The following ABCC1 variants were observed in gnomAD, a reference collection of about 807,000 sequenced individuals.
The protein encoded by ABCC1 is multidrug resistance-associated protein 1.
Under a neutral mutation model 172.9 loss-of-function variants are expected in ABCC1, and 83 were observed. The observed-to-expected ratio is 0.48, with a 90% CI of 0.40 to 0.58. The LOEUF (loss-of-function observed/expected upper bound fraction) is 0.58. Among genes scored for constraint, ABCC1 ranks in the 20% least tolerant of loss-of-function variants. ABCC1 has a pLI of 0.00. For synonymous variants in ABCC1, 937 were observed against 825.2 expected (o/e 1.14, Z -2.32); for missense variants, 1,817 against 2,002.7 (o/e 0.91, Z 1.77).
intron 1 of ABCC1, among the ~76,000 whole-genome samples, chr16:16,002,771 C>CAA (rs34530270): frequency 0.47 from 61,209 of 128,882 alleles, 13,812 homozygotes; most frequent in Non-Finnish European, 0.52. Context: ...GACCTTGTCT[C>CAA]AAAAAAAAAA....
chr16:16,112,645 A>G (rs1303359921), intron 22 of ABCC1, among the ~76,000 whole-genome samples: 1 of 152,242 alleles, frequency 6.6e-6, no homozygotes, highest in African/African-American at 2.4e-5. Flanking sequence ...ACATGGCAGC[A>G]TTGGCATTGA....
intron 5 of ABCC1, among the ~76,000 whole-genome samples, chr16:16,019,663 C>T (rs988842778): frequency 6.6e-6 from 1 of 152,136 alleles, no homozygotes; most frequent in Non-Finnish European, 1.5e-5. Flanking sequence ...TTCACTTCTC[C>T]CCTGGGCGTG....
chr16:16,071,958 C>G (rs2151960596), intron 14 of ABCC1, among the ~76,000 whole-genome samples: 1 of 152,262 alleles, frequency 6.6e-6, no homozygotes, highest in Middle Eastern at 3.4e-3. Context: ...GGTGAACTTG[C>G]ACTTGCATTT....
At chr16:15,997,747 G>A (rs1260267737) in intron 1 of ABCC1, among the ~76,000 whole-genome samples, 2 of 148,178 alleles carry the variant, frequency 1.3e-5, no homozygotes, top group Non-Finnish European at 3.0e-5. Flanking sequence ...AGTTGTTAAA[G>A]TAAAGAAGGA....
intron 1 of ABCC1, among the ~76,000 whole-genome samples, chr16:15,990,569 A>G (rs1305569076): frequency 6.6e-6 from 1 of 151,986 alleles, no homozygotes; most frequent in African/African-American, 2.4e-5. Context: ...GAGATCTTGC[A>G]GTGTTCGTCT....
In ABCC1 at chr16:16,091,179, A is replaced by G. The variant is rs1331578127; in HGVS notation, c.2644+591A>G. Among the ~76,000 whole-genome samples the G allele has an allele frequency of 2.0e-5, 3 of 152,074 alleles. No individual in the cohort carries two copies. The East Asian group carries it at 5.8e-4, about 30-fold the overall frequency. ...GGTGGTTCCCAGCACTTGTAATCCC[A>G]ACACATAGAGAGGCTGAGGTGGGAG... On this transcript the variant is annotated intron_variant, in intron 19 of 30. Coordinates refer to ENST00000399410, the MANE Select transcript of ABCC1 (RefSeq NM_004996.4).
chr16:16,013,595 C>T (rs1468628318), intron 3 of ABCC1, among the ~76,000 whole-genome samples: 1 of 151,682 alleles, frequency 6.6e-6, no homozygotes, highest in African/African-American at 2.4e-5. Flanking sequence ...CTGTATCAAG[C>T]GTTGGAGACA....
chr16:16,058,843 ATGG>A (rs2049786316), intron 12 of ABCC1, among the ~76,000 whole-genome samples: 2 of 151,532 alleles, frequency 1.3e-5, no homozygotes. Flanking sequence ...TAGTGTAGAG[ATGG>A]TGTTTCACCA....
At chr16:16,136,678 G>C (rs992845839) in intron 29 of ABCC1, 34 bp downstream of exon 29, 1 of 1,610,258 alleles carries the variant, frequency 6.2e-7, no homozygotes, top group African/African-American at 1.3e-5. Context: ...CACCGGGTAA[G>C]GTGTCCTAGG....
chr16:16,000,622 T>C (rs1427888611), intron 1 of ABCC1, among the ~76,000 whole-genome samples: 1 of 151,956 alleles, frequency 6.6e-6, no homozygotes, highest in East Asian at 1.9e-4. Flanking sequence ...TTTTTCAAAA[T>C]AATTTTAAAT....
chr16:16,020,873 A>G (rs958396623), intron 5 of ABCC1, among the ~76,000 whole-genome samples: 1 of 152,204 alleles, frequency 6.6e-6, no homozygotes, highest in African/African-American at 2.4e-5. Flanking sequence ...TTTTACAGAC[A>G]AACAATCGCA....
intron 14 of ABCC1, among the ~76,000 whole-genome samples, chr16:16,072,168 G>A (rs1010505874): frequency 7.2e-6 from 1 of 138,580 alleles, no homozygotes; most frequent in African/African-American, 2.7e-5. Context: ...TTCTTTGGCT[G>A]AGTGTTACTT....
intron 1 of ABCC1, among the ~76,000 whole-genome samples, chr16:15,962,224 G>C (rs1272795832): frequency 6.6e-6 from 1 of 151,940 alleles, no homozygotes; most frequent in Non-Finnish European, 1.5e-5. Flanking sequence ...AGTGTGCTTT[G>C]GTTTTGTTCA....
chr16:16,072,887 C>T (rs1186207962), intron 14 of ABCC1, among the ~76,000 whole-genome samples: 1 of 151,310 alleles, frequency 6.6e-6, no homozygotes, highest in African/African-American at 2.4e-5. Flanking sequence ...ACTGAAAATA[C>T]AAAAATTAGC....
chr16:16,020,306 G>T (rs2048150437), intron 5 of ABCC1, among the ~76,000 whole-genome samples: 3 of 152,158 alleles, frequency 2.0e-5, no homozygotes, highest in African/African-American at 4.8e-5. Flanking sequence ...TTGTGCACCT[G>T]TCCAGGAGAG....
At chr16:16,124,370 C>A (rs72777630) in intron 24 of ABCC1, among the ~76,000 whole-genome samples, 2 of 91,188 alleles carry the variant, frequency 2.2e-5, no homozygotes, top group African/African-American at 4.9e-5. Flanking sequence ...TGACCCACTA[C>A]GCCCGGCTGT....
chr16:16,084,390 GTCTC>G (rs1260422012), intron 17 of ABCC1, among the ~76,000 whole-genome samples: 1 of 146,160 alleles, frequency 6.8e-6, no homozygotes, highest in East Asian at 2.0e-4. Context: ...TTGAAATGGA[GTCTC>G]TCTCTGTCGC....
intron 19 of ABCC1, among the ~76,000 whole-genome samples, chr16:16,095,858 G>A (rs1206961084): frequency 1.3e-5 from 2 of 152,100 alleles, no homozygotes; most frequent in Non-Finnish European, 2.9e-5. Context: ...AACCTTGCTT[G>A]AACCATCTGT....
chr16:16,048,063 C>T, intron 9 of ABCC1, 79 bp from the exon 10 acceptor site: 1 of 1,515,420 alleles, frequency 6.6e-7, no homozygotes, highest in Non-Finnish European at 9.1e-7. Context: ...GAGTCTCCTT[C>T]CTCTCCGTGG....
Sources: allele counts gnomAD v4.1 joint callset (sites outside exome capture counted in the v4.1 genomes callset), GRCh38; gene constraint gnomAD v4.1.1; transcripts MANE v1.5; gene names NCBI Gene and HGNC (gene_info 2026-07-23, HGNC 2026-07-21).